GOLM2: variants seen among roughly 807,000 people sequenced by gnomAD.
GOLM2 encodes the protein golgi membrane protein 2.
A neutral mutation model predicts 55.9 loss-of-function variants in GOLM2; 26 were observed. The observed-to-expected ratio is 0.47, with a 90% confidence interval of 0.34 to 0.65. The LOEUF (loss-of-function observed/expected upper bound fraction) is 0.65. Among genes scored for constraint, GOLM2 ranks in the 30% least tolerant of loss-of-function variants. GOLM2 has a pLI of 0.01. For missense variants in GOLM2, 486 were observed against 531.8 expected (o/e 0.91, Z 0.85); for synonymous variants, 165 against 194.6 (o/e 0.85, Z 1.27).
intron 6 of GOLM2, among the ~76,000 whole-genome samples, chr15:44,339,558 G>A (rs1171208081): frequency 6.6e-6 from 1 of 151,700 alleles, no homozygotes; most frequent in Admixed American, 6.6e-5. Flanking sequence ...AGCTGGTCTC[G>A]AACTCCTAAC....
chr15:44,294,471 T>C (rs1241307652), intron 1 of GOLM2, among the ~76,000 whole-genome samples: 2 of 151,920 alleles, frequency 1.3e-5, no homozygotes, highest in Non-Finnish European at 2.9e-5. Context: ...TCCCAGCACT[T>C]TGGGAGGCCG....
At chr15:44,334,999 C>G (rs998672759) in intron 4 of GOLM2, among the ~76,000 whole-genome samples, 1 of 151,896 alleles carries the variant, frequency 6.6e-6, no homozygotes, top group African/African-American at 2.4e-5. Flanking sequence ...CCACTGCACT[C>G]CAGCCTGACA....
At chr15:44,333,771 C>A (rs1300037254) in intron 4 of GOLM2, among the ~76,000 whole-genome samples, 1 of 151,816 alleles carries the variant, frequency 6.6e-6, no homozygotes, top group Non-Finnish European at 1.5e-5. Context: ...GGCTGGAGTG[C>A]AGTGGCGTGA....
chr15:44,367,936 A>G (rs375907657), intron 6 of GOLM2, among the ~76,000 whole-genome samples: 2 of 151,780 alleles, frequency 1.3e-5, no homozygotes, highest in East Asian at 1.9e-4. Flanking sequence ...ATTGTTATCA[A>G]TTTGACCAAG....
chr15:44,388,184 A>G (rs2079460938), intron 8 of GOLM2, among the ~76,000 whole-genome samples: 1 of 150,322 alleles, frequency 6.7e-6, no homozygotes, highest in Non-Finnish European at 1.5e-5. Flanking sequence ...GCTGAGGCAC[A>G]ATAATCTTGA....
chr15:44,309,282 A>G (rs771416306), intron 1 of GOLM2, among the ~76,000 whole-genome samples: 1 of 152,198 alleles, frequency 6.6e-6, no homozygotes, highest in African/African-American at 2.4e-5. Flanking sequence ...ACTTCTGAGC[A>G]TATATTTAAA....
chr15:44,409,675 G>A (rs1463102748), intron 9 of GOLM2: 6 of 145,110 alleles, frequency 4.1e-5, no homozygotes, highest in African/African-American at 1.5e-4. Context: ...TTGGGAGGCC[G>A]AGCCAGGTGT....
intron 7 of GOLM2, among the ~76,000 whole-genome samples, chr15:44,380,471 G>A (rs1368499070): frequency 6.6e-6 from 1 of 152,076 alleles, no homozygotes; most frequent in Non-Finnish European, 1.5e-5. Context: ...TTCTGATAGT[G>A]ATATGGAATT....
At chr15:44,363,711 A>G (rs1244754845) in intron 6 of GOLM2, among the ~76,000 whole-genome samples, 4 of 152,040 alleles carry the variant, frequency 2.6e-5, no homozygotes, top group African/African-American at 7.2e-5. Context: ...CCAAAGGACT[A>G]TAAATCATGC....
chr15:44,330,949 T>C (rs1204233790), intron 3 of GOLM2, among the ~76,000 whole-genome samples: 1 of 152,174 alleles, frequency 6.6e-6, no homozygotes, highest in Non-Finnish European at 1.5e-5. Flanking sequence ...TTTGTTAGTA[T>C]AGGAATAAGA....
rs777790804 is a variant in GOLM2 at position 44,380,900 on chromosome 15, T to C, written c.996T>C (p.Ser332=). Residue 332 remains serine, a synonymous_variant, in exon 8 of 10, where the codon AGT becomes AGC. Transcript: ENST00000299957. ...TAATTCCAGGCTCAAACTTGGACAG[T>C]GAACCCAGAATTCAAACAGATATAC... is the stretch of plus-strand genomic sequence containing the variant. ...QRLIPGSNLD[S]EPRIQTDILK... is the part of the protein sequence containing the mutation. 1.1e-5 allele frequency: 17 copies of C among 1,602,794 alleles called. No individual in the cohort carries two copies. The highest frequency in any genetic ancestry group is 1.4e-5 in the Non-Finnish European group (17 of 1,174,248).
chr15:44,325,502 C>T (rs2078975198), intron 2 of GOLM2, among the ~76,000 whole-genome samples: 1 of 152,162 alleles, frequency 6.6e-6, no homozygotes, highest in Non-Finnish European at 1.5e-5. Flanking sequence ...CATTCTGAAG[C>T]TATTTCAGGT....
intron 1 of GOLM2, among the ~76,000 whole-genome samples, chr15:44,300,147 A>T (rs1306542189): frequency 7.3e-6 from 1 of 137,102 alleles, no homozygotes; most frequent in Non-Finnish European, 1.6e-5. Context: ...AGAGGAGGGG[A>T]GGGGAGGAGG....
chr15:44,298,430 ATTTTTTT>A (rs1233048546), intron 1 of GOLM2, among the ~76,000 whole-genome samples: 12 of 133,168 alleles, frequency 9.0e-5, no homozygotes, highest in Non-Finnish European at 4.9e-5. Context: ...TGGCCGGCTA[ATTTTTTT>A]TTTTTTTTTT....
chr15:44,390,629 G>C (rs949377973), intron 8 of GOLM2, among the ~76,000 whole-genome samples: 2 of 150,328 alleles, frequency 1.3e-5, no homozygotes, highest in African/African-American at 4.9e-5. Context: ...GCAATGGCAC[G>C]ATCTCGGCTC....
intron 8 of GOLM2, among the ~76,000 whole-genome samples, chr15:44,399,527 A>G (rs2079551138): frequency 6.6e-6 from 1 of 152,240 alleles, no homozygotes; most frequent in Non-Finnish European, 1.5e-5. Context: ...TAGGCTAGTC[A>G]GATCATCAAA....
At chr15:44,385,087 G>A (rs1395668856) in intron 8 of GOLM2, among the ~76,000 whole-genome samples, 2 of 152,052 alleles carry the variant, frequency 1.3e-5, no homozygotes, top group Non-Finnish European at 2.9e-5. Context: ...ATCTGTTGAT[G>A]TATATATGGG....
chr15:44,338,079 A>G (rs1007524743), intron 5 of GOLM2, among the ~76,000 whole-genome samples, 158 bp from the exon 6 acceptor site: 20 of 152,238 alleles, frequency 1.3e-4, no homozygotes, highest in Non-Finnish European at 7.3e-5. Context: ...AAAAAAGAGT[A>G]AGTTATTTTA....
At chr15:44,314,551 C>T (rs2078895935) in intron 1 of GOLM2, among the ~76,000 whole-genome samples, 1 of 147,114 alleles carries the variant, frequency 6.8e-6, no homozygotes. Flanking sequence ...AAGAGTGAAA[C>T]TCCATCTCAA....
Sources: gnomAD v4.1 joint callset for allele counts (sites outside exome capture counted in the v4.1 genomes callset) on GRCh38, gnomAD v4.1.1 for gene constraint, MANE v1.5 for transcripts, NCBI Gene and HGNC (gene_info 2026-07-23, HGNC 2026-07-21) for gene names.